The following LRRC73 variants were observed in gnomAD, a reference collection of about 807,000 sequenced individuals.
LRRC73 encodes leucine-rich repeat-containing protein 73.
LRRC73 carries 16 observed loss-of-function variants against 26.4 expected under a neutral mutation model. That is an observed-to-expected ratio of 0.61 (90% CI 0.41 to 0.92). LRRC73 has a LOEUF of 0.92. Ranked by LOEUF, LRRC73 falls within the 40% of genes least tolerant of loss-of-function variation. The pLI, the probability that LRRC73 is intolerant of heterozygous loss-of-function variation, is 0.00. For synonymous variants in LRRC73, 210 were observed against 179.8 expected, an observed-to-expected ratio of 1.17 and a Z score of -1.34; for missense variants, 344 against 416.3, an observed-to-expected ratio of 0.83 and a Z score of 1.51.
intron 1 of LRRC73, among the ~76,000 whole-genome samples, chr6:43,509,214 TC>T (rs1209547308): frequency 6.6e-6 from 1 of 152,068 alleles, no homozygotes; most frequent in Admixed American, 6.5e-5. Flanking sequence ...ACGGGGATAT[TC>T]CCCCTTGGGA....
chr6:43,507,582 C>A, exon 5 of LRRC73: 1 of 1,614,068 alleles, frequency 6.2e-7, no homozygotes, highest in Non-Finnish European at 8.5e-7. Flanking sequence ...GAGAGGAGGT[C>A]ACAGATCTGT....
At chr6:43,508,306 T>C in exon 3 of LRRC73, 2 of 1,611,868 alleles carry the variant, frequency 1.2e-6, no homozygotes, top group South Asian at 1.1e-5. Flanking sequence ...ACCCAGGGGG[T>C]TGTAATCCAG....
At chr6:43,507,280 C>T (rs369136757) in exon 6 of LRRC73, 49 of 1,613,860 alleles carry the variant, frequency 3.0e-5, no homozygotes, top group Non-Finnish European at 3.5e-5. Flanking sequence ...CTAGTCCTGA[C>T]GTCATTAGCA....
At chr6:43,507,629 A>G (rs775964845) in exon 5 of LRRC73, 1 of 1,613,986 alleles carries the variant, frequency 6.2e-7, no homozygotes, top group Non-Finnish European at 8.5e-7. Flanking sequence ...CTCAGCCAAC[A>G]CCAGGCTCCG....
In LRRC73 at chr6:43,507,473, G is replaced by A. The variant is rs778433778; in HGVS notation, c.863C>T (p.Ser288Phe). The stretch of plus-strand genomic sequence containing the variant: ...GTTCTTACCGCTGGGGCACATCCAG[G>A]AGCTGCTGCCTCTCTGGTGGGCAGC... The change falls in exon 5 of 6, where the codon TCC becomes TTC. Residue 288 changes from serine (S) to phenylalanine (F), a missense_variant. Physicochemically the swap from Ser to Phe is radical, Grantham distance 155. Coordinates refer to ENST00000372441, the Ensembl canonical transcript of LRRC73. The A allele has an allele frequency of 3.7e-6, 6 of 1,612,842 alleles. No homozygotes were observed. The highest frequency in any genetic ancestry group is 1.7e-5 in the Admixed American group (1 of 60,000).
exon 1 of LRRC73, chr6:43,509,867 G>A: frequency 7.7e-7 from 1 of 1,292,432 alleles, no homozygotes; most frequent in Non-Finnish European, 9.9e-7. Context: ...TAGGGCCGGG[G>A]TCGGGGCCCC....
chr6:43,508,148 G>A, intron 3 of LRRC73, 150 bp downstream of exon 3: 1 of 1,235,178 alleles, frequency 8.1e-7, no homozygotes, highest in Non-Finnish European at 1.1e-6. Context: ...TTGGTCACCT[G>A]GTCCGCCACA....
exon 5 of LRRC73, chr6:43,507,598 C>T (rs1211061412): frequency 1.2e-6 from 2 of 1,613,998 alleles, no homozygotes; most frequent in Admixed American, 1.7e-5. Context: ...TCTGTTGCTG[C>T]AGCTCTGGGC....
At chr6:43,508,335 G>A in exon 3 of LRRC73, 1 of 1,613,554 alleles carries the variant, frequency 6.2e-7, no homozygotes, top group African/African-American at 1.3e-5. Context: ...CGCGGACCTG[G>A]GAGCTGTGGG....
exon 3 of LRRC73, chr6:43,508,420 C>G: frequency 6.2e-7 from 1 of 1,613,580 alleles, no homozygotes; most frequent in Non-Finnish European, 8.5e-7. Flanking sequence ...CTCCTTCAAG[C>G]CTGGGCAGCA....
intron 5 of LRRC73, 29 bp from the exon 6 acceptor site, chr6:43,507,337 C>T: frequency 6.2e-7 from 1 of 1,613,360 alleles, no homozygotes; most frequent in Non-Finnish European, 8.5e-7. Context: ...GTGTTCAGAC[C>T]ACCATTCCTT....
exon 1 of LRRC73, chr6:43,510,008 G>C (rs1792616031): frequency 9.0e-6 from 3 of 332,230 alleles, no homozygotes; most frequent in Non-Finnish European, 5.3e-6. Context: ...CCAGAGGTGC[G>C]GAGGCGTCCA....
exon 3 of LRRC73, chr6:43,508,306 T>G (rs745928507): frequency 6.2e-7 from 1 of 1,611,868 alleles, no homozygotes; most frequent in Non-Finnish European, 8.5e-7. Flanking sequence ...ACCCAGGGGG[T>G]TGTAATCCAG....
chr6:43,509,090 G>A (rs1792589894), intron 1 of LRRC73, among the ~76,000 whole-genome samples, 170 bp from the exon 2 acceptor site: 1 of 149,684 alleles, frequency 6.7e-6, no homozygotes, highest in Admixed American at 6.7e-5. Context: ...CAGATAGAGG[G>A]AGAATTCGGT....
In LRRC73 at chr6:43,507,531, C is replaced by T. The variant is rs1416037132; in HGVS notation, c.805G>A (p.Asp269Asn). 15 of 1,613,478 alleles carry T rather than the reference C, an allele frequency of 9.3e-6. No homozygotes were observed. The highest frequency in any genetic ancestry group is 3.3e-5 in the South Asian group (3 of 91,082). ...CGCCCTCTCTCCCATTCCTGGGTGT[C>T]GCCAGCCCCTCCTGCCACTTCCTCC... The change falls in exon 5 of 6, where the codon GAC becomes AAC. Residue 269 changes from aspartate (D) to asparagine (N), a missense_variant. Transcript: ENST00000372441.
In LRRC73 at chr6:43,509,504, G is replaced by C. The variant is rs1456195523; in HGVS notation, c.272+10C>G. ...GTGCCCGGGACCCCCTTGCGAGGGG[G>C]CGCACTCACAAGAGGGACTGGATGG... is the stretch of plus-strand genomic sequence containing the variant. On this transcript the variant is annotated intron_variant, in intron 1 of 5. Transcript: ENST00000372441. 1 of 1,595,172 alleles carries C rather than the reference G, an allele frequency of 6.3e-7. No individual in the cohort carries two copies. Among genetic ancestry groups the C allele is most frequent in the East Asian group, 2.3e-5 (1 of 44,428 alleles).
At position 43,507,786 on chromosome 6, in the gene LRRC73, C is replaced by T. The variant is rs1317379826; in HGVS notation, c.657+40G>A. The stretch of plus-strand genomic sequence containing the variant: ...CATCAGACACATAAACTAACCTCCA[C>T]CCCATCCCCTGGCCGTGCCCAAACA... On this transcript the variant is annotated intron_variant, in intron 4 of 5. Transcript: ENST00000372441. The T allele has an allele frequency of 5.0e-6, 8 of 1,603,142 alleles. No homozygotes were observed. The African/African-American group carries it at 6.7e-5, about 13-fold the overall frequency.
At chr6:43,507,131 C>T in exon 6 of LRRC73, 1 of 1,189,660 alleles carries the variant, frequency 8.4e-7, no homozygotes, top group Non-Finnish European at 1.2e-6. Context: ...CCCCATGCAG[C>T]CCCTGACCCC....
exon 5 of LRRC73, chr6:43,507,630 C>A (rs749649304): frequency 3.1e-6 from 5 of 1,614,152 alleles, no homozygotes; most frequent in Non-Finnish European, 4.2e-6. Flanking sequence ...TCAGCCAACA[C>A]CAGGCTCCGC....
Sources: gnomAD v4.1 joint callset for allele counts (sites outside exome capture counted in the v4.1 genomes callset) on GRCh38, gnomAD v4.1.1 for gene constraint, MANE v1.5 for transcripts, NCBI Gene and HGNC (gene_info 2026-07-23, HGNC 2026-07-21) for gene names.